GLDC: variants seen among roughly 807,000 people sequenced by gnomAD.
The protein encoded by GLDC is glycine dehydrogenase (decarboxylating), mitochondrial.
A neutral mutation model predicts 121.3 loss-of-function variants in GLDC; 104 were observed. The ratio of observed to expected loss-of-function variants is 0.86; its 90% CI spans 0.73 to 1.01. The LOEUF is 1.01. Ranked by LOEUF, GLDC falls within the 50% of genes least tolerant of loss-of-function variation. The probability of loss-of-function intolerance (pLI) is 0.00; values close to 1 mark genes in which losing one functional copy is unlikely to be tolerated. For synonymous variants in GLDC, 546 were observed against 480.6 expected, an observed-to-expected ratio of 1.14 and a Z score of -1.78; for missense variants, 1,429 against 1,306.6, an observed-to-expected ratio of 1.09 and a Z score of -1.44.
intron 8 of GLDC, among the ~76,000 whole-genome samples, chr9:6,601,562 T>C (rs974445795): frequency 6.6e-6 from 1 of 152,158 alleles, no homozygotes; most frequent in African/African-American, 2.4e-5. Flanking sequence ...AGAGAAAGCA[T>C]AGGCAAATGG....
intron 21 of GLDC, among the ~76,000 whole-genome samples, chr9:6,544,037 G>A (rs1817331279): frequency 6.6e-6 from 1 of 152,164 alleles, no homozygotes; most frequent in African/African-American, 2.4e-5. Flanking sequence ...AACCCTCCTT[G>A]AGAGAAGGGA....
chr9:6,570,301 C>T (rs1405048580), intron 15 of GLDC, among the ~76,000 whole-genome samples: 1 of 152,088 alleles, frequency 6.6e-6, no homozygotes, highest in African/African-American at 2.4e-5. Context: ...AAAGACCACG[C>T]TGTGGATTCT....
intron 3 of GLDC, among the ~76,000 whole-genome samples, chr9:6,614,308 C>T (rs950264873): frequency 2.0e-5 from 3 of 152,118 alleles, no homozygotes; most frequent in Admixed American, 6.6e-5. Flanking sequence ...GATCTTGGCT[C>T]GCTGCAACCT....
chr9:6,639,675 A>AG, intron 2 of GLDC: 1 of 251,734 alleles, frequency 4.0e-6, no homozygotes, highest in Admixed American at 5.4e-5. Flanking sequence ...AAAAGTATAT[A>AG]TATATATATA....
intron 24 of GLDC, among the ~76,000 whole-genome samples, chr9:6,533,417 A>G (rs926737669): frequency 6.6e-6 from 1 of 152,214 alleles, no homozygotes; most frequent in African/African-American, 2.4e-5. Context: ...GTTGTGTTTG[A>G]AAGACTTCAA....
Position 6,587,229 on chromosome 9 carries a change from C to G in GLDC, c.1762G>C (p.Ala588Pro), listed in dbSNP as rs780654157. The change falls in exon 15 of 25, where the codon GCT (alanine) becomes CCT (proline). Residue 588 changes from alanine to proline, a missense_variant. By Grantham distance (27) the Ala-to-Pro change is conservative. Coordinates refer to ENST00000321612, the MANE Select transcript of GLDC (RefSeq NM_000170.3). ...NIHPFVPLDQ[A>P]QGYQQLFREL... The stretch of plus-strand genomic sequence containing the variant: ...CGGAAAAGCTGCTGATATCCTTGAG[C>G]TTGATCCAGAGGCACAAAGGGGTGG... 23 of 1,613,856 alleles carry G rather than the reference C, an allele frequency of 1.4e-5. No homozygotes were observed. Among genetic ancestry groups the G allele is most frequent in the Non-Finnish European group, 1.5e-5 (18 of 1,179,886 alleles).
chr9:6,638,467 G>A (rs534541864), intron 2 of GLDC, among the ~76,000 whole-genome samples: 19 of 151,840 alleles, frequency 1.3e-4, no homozygotes, highest in Non-Finnish European at 4.4e-5. Context: ...CACCCGCCTC[G>A]CCCTCCCAAA....
At chr9:6,612,707 CA>C (rs1444883846) in intron 3 of GLDC, among the ~76,000 whole-genome samples, 1 of 152,052 alleles carries the variant, frequency 6.6e-6, no homozygotes. Flanking sequence ...ACTAAGAATA[CA>C]AAAATTAGCT....
chr9:6,580,053 G>A (rs1480097702), intron 15 of GLDC, among the ~76,000 whole-genome samples: 2 of 152,168 alleles, frequency 1.3e-5, no homozygotes, highest in Non-Finnish European at 2.9e-5. Flanking sequence ...AACTACGGAA[G>A]ACCTGGCCCC....
intron 15 of GLDC, among the ~76,000 whole-genome samples, chr9:6,574,118 T>G (rs1006846264): frequency 3.9e-5 from 6 of 152,248 alleles, no homozygotes; most frequent in Admixed American, 2.6e-4. Context: ...ATAAATCAGC[T>G]GGTATCAGAA....
At chr9:6,605,735 T>C (rs1043702790) in intron 5 of GLDC, 8 of 248,662 alleles carry the variant, frequency 3.2e-5, no homozygotes, top group African/African-American at 1.1e-4. Flanking sequence ...GATGGTGGTA[T>C]GGGTAGGGGG....
At chr9:6,618,753 C>A (rs1223082596) in intron 3 of GLDC, among the ~76,000 whole-genome samples, 1 of 152,108 alleles carries the variant, frequency 6.6e-6, no homozygotes, top group African/African-American at 2.4e-5. Flanking sequence ...GAGACACAGA[C>A]ATGGATGGAC....
At chr9:6,555,948 C>G (rs1024718629) in intron 18 of GLDC, among the ~76,000 whole-genome samples, 5 of 152,214 alleles carry the variant, frequency 3.3e-5, no homozygotes, top group East Asian at 1.9e-4. Context: ...GGATTGGGCC[C>G]TTTGAGCCCC....
At chr9:6,568,210 C>G (rs1223589304) in intron 15 of GLDC, among the ~76,000 whole-genome samples, 1 of 152,166 alleles carries the variant, frequency 6.6e-6, no homozygotes, top group Non-Finnish European at 1.5e-5. Context: ...CTCTCTCTCT[C>G]TGGCCTTAAA....
intron 8 of GLDC, among the ~76,000 whole-genome samples, chr9:6,601,374 G>A (rs1437341414): frequency 2.0e-5 from 3 of 152,250 alleles, no homozygotes; most frequent in African/African-American, 4.8e-5. Flanking sequence ...AAGAATACTA[G>A]AGACCCTGAT....
chr9:6,558,444 T>C (rs1817680079), intron 17 of GLDC, 115 bp downstream of exon 17: 3 of 1,228,378 alleles, frequency 2.4e-6, no homozygotes, highest in Non-Finnish European at 3.6e-6. Flanking sequence ...AAGGAAGAAC[T>C]GCAGACTTTT....
At position 6,620,059 on chromosome 9, in the gene GLDC, A is replaced by G. The variant is rs2118653; in HGVS notation, c.470+125T>C. On this transcript the variant is annotated intron_variant, in intron 3 of 24. Coordinates refer to ENST00000321612, the MANE Select transcript of GLDC (RefSeq NM_000170.3). ...AGAGAAACCCGGTAGGTTCCCGGAC[A>G]TTGGAGACAGCACTAGGAGGTGGGT... 0.59 allele frequency: 544,967 copies of G among 918,840 alleles called. 167,888 individuals carry two copies. The highest frequency in any genetic ancestry group is 0.89 in the African/African-American group (55,314 of 62,036). 56.9% of individuals were successfully genotyped at this position (918,840 alleles called of 1,614,324 possible).
Position 6,533,333 on chromosome 9 carries a change from G to A in GLDC, c.2920-173C>T, listed in dbSNP as rs532980555. Among the ~76,000 whole-genome samples, 6 of 152,222 alleles carry A rather than the reference G, an allele frequency of 3.9e-5. No individual in the cohort carries two copies. In the South Asian group the frequency reaches 8.3e-4, roughly 21 times the overall value. The stretch of plus-strand genomic sequence containing the variant: ...TTTAAAAAAAAGAGGCATTTCCCAG[G>A]AGGCGTGTCCCTGATCACCACCCCT... On this transcript the variant is annotated intron_variant, in intron 24 of 24. Coordinates refer to ENST00000321612, the MANE Select transcript of GLDC (RefSeq NM_000170.3).
At chr9:6,573,367 A>G (rs1281301040) in intron 15 of GLDC, among the ~76,000 whole-genome samples, 1 of 152,186 alleles carries the variant, frequency 6.6e-6, no homozygotes, top group African/African-American at 2.4e-5. Context: ...AAGCTGAGAC[A>G]CAAGAATCGC....
Sources: gnomAD v4.1 joint callset for allele counts (sites outside exome capture counted in the v4.1 genomes callset) on GRCh38, gnomAD v4.1.1 for gene constraint, MANE v1.5 for transcripts, NCBI Gene and HGNC (gene_info 2026-07-23, HGNC 2026-07-21) for gene names.